The following KCTD3 variants were observed in gnomAD, a reference collection of about 807,000 sequenced individuals.
KCTD3 encodes potassium channel tetramerization domain containing 3, also known as BTB/POZ domain-containing protein KCTD3.
KCTD3 carries 41 observed loss-of-function variants against 85.8 expected under a neutral mutation model. The ratio of observed to expected loss-of-function variants is 0.48; its 90% CI spans 0.37 to 0.62. The LOEUF is 0.62. Among genes scored for constraint, KCTD3 ranks in the 20% least tolerant of loss-of-function variants. KCTD3 has a pLI of 0.00. For missense variants in KCTD3, 724 were observed against 989.9 expected, an observed-to-expected ratio of 0.73 and a Z score of 3.60; for synonymous variants, 338 against 345.4, an observed-to-expected ratio of 0.98 and a Z score of 0.24.
intron 9 of KCTD3, among the ~76,000 whole-genome samples, chr1:215,591,296 T>TTCCC (rs1660200541): frequency 1.1e-5 from 1 of 89,136 alleles, no homozygotes; most frequent in African/African-American, 5.8e-5. Flanking sequence ...CTTTCCTTCC[T>TTCCC]TCCTTCCTTC....
chr1:215,573,455 A>G (rs1210197697), intron 1 of KCTD3, among the ~76,000 whole-genome samples: 1 of 152,150 alleles, frequency 6.6e-6, no homozygotes, highest in Non-Finnish European at 1.5e-5. Context: ...CCTGAAGGTA[A>G]TTTTGAATGT....
chr1:215,572,605 A>G (rs1659408779), intron 1 of KCTD3, among the ~76,000 whole-genome samples: 1 of 152,208 alleles, frequency 6.6e-6, no homozygotes, highest in Non-Finnish European at 1.5e-5. Flanking sequence ...TGCAGTGAGC[A>G]TAATAAAAAA....
Position 215,567,578 on chromosome 1 carries a change from G to C in KCTD3, c.-108G>C. On this transcript the variant is annotated 5_prime_UTR_variant, in exon 1 of 18. Coordinates refer to ENST00000259154, the MANE Select transcript of KCTD3 (RefSeq NM_016121.5). Reference sequence around the variant, plus strand: ...GTGCACCCCCCGCCCTCCGGCCGCCGCCGCCCCGCTGGCCCTGCAGCCGTC... The same window carrying C: ...GTGCACCCCCCGCCCTCCGGCCGCCCCCGCCCCGCTGGCCCTGCAGCCGTC... The C allele has an allele frequency of 3.0e-5, 15 of 497,616 alleles. No individual in the cohort carries two copies. Among genetic ancestry groups the C allele is most frequent in the East Asian group, 5.5e-5 (1 of 18,248 alleles). The allele number at this position is 497,616 out of a possible 1,614,324, so 30.8% of individuals were successfully genotyped here. A position where few individuals can be genotyped will look rare whatever the true frequency, so the allele number is the denominator to read the frequency against.
Position 215,579,001 on chromosome 1 carries a change from T to C in KCTD3, c.399T>C (p.Gly133=). The C allele has an allele frequency of 6.5e-7, 1 of 1,546,842 alleles. No individual in the cohort carries two copies. The highest frequency in any genetic ancestry group is 8.7e-7 in the Non-Finnish European group (1 of 1,149,950). Residue 133 remains glycine (G), a splice_region_variant and synonymous_variant, in exon 7 of 18, where the codon GGT becomes GGC. Coordinates refer to ENST00000259154, the MANE Select transcript of KCTD3 (RefSeq NM_016121.5). Reference sequence around the variant, plus strand: ...TTTGTTTTCTTCTTCTCTTTATAGGTATTCCTAGTCGTAAAATAAACAACA... The same window carrying C: ...TTTGTTTTCTTCTTCTCTTTATAGGCATTCCTAGTCGTAAAATAAACAACA... ...VLFHGYLPPP[G]IPSRKINNTV...
intron 4 of KCTD3, 51 bp downstream of exon 4, chr1:215,576,025 T>C: frequency 1.1e-6 from 1 of 932,108 alleles, no homozygotes; most frequent in Non-Finnish European, 1.7e-6. Context: ...AATATGTGTT[T>C]TTAATATGTT....
Position 215,620,930 on chromosome 1 carries a change from T to C in KCTD3, c.*312T>C, listed in dbSNP as rs942750919. On this transcript the variant is annotated 3_prime_UTR_variant, in exon 18 of 18. Coordinates refer to ENST00000259154, the MANE Select transcript of KCTD3 (RefSeq NM_016121.5). ...CTTAATAGGATGGTGCCCATATAGG[T>C]GAGCATCCCTTTAGATCATGGGAAC... is the stretch of plus-strand genomic sequence containing the variant. The C allele has an allele frequency of 1.5e-5, 5 of 324,986 alleles. No individual in the cohort carries two copies. Among genetic ancestry groups the C allele is most frequent in the Non-Finnish European group, 2.8e-5 (5 of 179,766 alleles). 20.1% of individuals were successfully genotyped at this position (324,986 alleles called of 1,614,324 possible).
chr1:215,609,961 AGATGTATT>A (rs1263803587), intron 14 of KCTD3, among the ~76,000 whole-genome samples: 1 of 151,934 alleles, frequency 6.6e-6, no homozygotes, highest in Non-Finnish European at 1.5e-5. Flanking sequence ...CCCCAGGAGT[AGATGTATT>A]GTTCAGGGAG....
Position 215,574,027 on chromosome 1 carries a change from A to G in KCTD3, c.138-46A>G, listed in dbSNP as rs1288674911. 3 of 1,388,722 alleles carry G rather than the reference A, an allele frequency of 2.2e-6. No homozygotes were observed. The African/African-American group carries it at 4.2e-5, about 20-fold the overall frequency. 86.0% of individuals were successfully genotyped at this position (1,388,722 alleles called of 1,614,324 possible). Reference sequence around the variant, plus strand: ...TGGTAAAGAATTAGCACATTTGTTTATACTCAGATTTTAAAAACTAACTTT... The same window carrying G: ...TGGTAAAGAATTAGCACATTTGTTTGTACTCAGATTTTAAAAACTAACTTT... On this transcript the variant is annotated intron_variant, in intron 2 of 17. Transcript: ENST00000259154.
chr1:215,581,533 A>G (rs1301423529), intron 8 of KCTD3, among the ~76,000 whole-genome samples: 1 of 152,230 alleles, frequency 6.6e-6, no homozygotes, highest in Non-Finnish European at 1.5e-5. Context: ...CAAGTGTAAC[A>G]GCATAACTTC....
At chr1:215,609,954 CAGG>C (rs1449347505) in intron 14 of KCTD3, among the ~76,000 whole-genome samples, 1 of 151,754 alleles carries the variant, frequency 6.6e-6, no homozygotes, top group Non-Finnish European at 1.5e-5. Context: ...CTGAAAGCCC[CAGG>C]AGTAGATGTA....
chr1:215,572,400 T>C (rs1047759550), intron 1 of KCTD3, among the ~76,000 whole-genome samples: 1 of 152,214 alleles, frequency 6.6e-6, no homozygotes, highest in Non-Finnish European at 1.5e-5. Flanking sequence ...TATCAAGATA[T>C]GTAAAATATT....
intron 3 of KCTD3, among the ~76,000 whole-genome samples, chr1:215,574,916 A>T (rs1007377718): frequency 6.6e-6 from 1 of 152,190 alleles, no homozygotes; most frequent in Non-Finnish European, 1.5e-5. Flanking sequence ...GATCTTTTGT[A>T]AATGATTCAA....
In KCTD3 at chr1:215,567,727, C is replaced by T. The variant is rs952732960; in HGVS notation, c.42C>T (p.Ala14=). ...GCGGCAGCTTCCCCGCGGCGGCGGC[C>T]GGCAGCGGCGAGATCGTCCAACTGA... ...GHCGSFPAAA[A]GSGEIVQLNV... Residue 14 remains alanine, a synonymous_variant, in exon 1 of 18, where the codon GCC becomes GCT. Coordinates refer to ENST00000259154, the MANE Select transcript of KCTD3 (RefSeq NM_016121.5). 6.4e-6 allele frequency: 8 copies of T among 1,243,546 alleles called. No individual in the cohort carries two copies. Among genetic ancestry groups the T allele is most frequent in the Non-Finnish European group, 7.1e-6 (7 of 988,200 alleles). 77.0% of individuals were successfully genotyped at this position (1,243,546 alleles called of 1,614,324 possible).
chr1:215,601,163 C>T (rs1478587320), intron 10 of KCTD3, among the ~76,000 whole-genome samples: 5 of 142,606 alleles, frequency 3.5e-5, no homozygotes, highest in African/African-American at 1.5e-4. Flanking sequence ...TTTCGAATTC[C>T]TGACCTCTGG....
chr1:215,598,426 T>G (rs1023444474), intron 10 of KCTD3, among the ~76,000 whole-genome samples: 1 of 152,156 alleles, frequency 6.6e-6, no homozygotes, highest in African/African-American at 2.4e-5. Flanking sequence ...TCTAGGACTA[T>G]TGACATTTCT....
rs1460647486 is a variant in KCTD3 at position 215,620,775 on chromosome 1, A to C, written c.*157A>C. ...GAATTACTTGGAATAATGAGATACAATAATCATATCTCTTTTGACATTTTG... is the reference window on the plus strand; with the variant it reads ...GAATTACTTGGAATAATGAGATACACTAATCATATCTCTTTTGACATTTTG... On this transcript the variant is annotated 3_prime_UTR_variant, in exon 18 of 18. Transcript: ENST00000259154. 1 of 549,716 alleles carries C rather than the reference A, an allele frequency of 1.8e-6. No individual in the cohort carries two copies. Among genetic ancestry groups the C allele is most frequent in the Non-Finnish European group, 3.1e-6 (1 of 319,128 alleles). The allele number at this position is 549,716 out of a possible 1,614,324, so 34.1% of individuals were successfully genotyped here.
At position 215,598,561 on chromosome 1, in the gene KCTD3, C is replaced by T. The variant is rs755175770; in HGVS notation, c.933+3090C>T. 5.2e-4 allele frequency among the ~76,000 whole-genome samples: 79 copies of T among 151,516 alleles called. 1 individual carries two copies. The highest frequency in any genetic ancestry group is 5.1e-3 in the Admixed American group (77 of 15,190). Reference sequence around the variant, plus strand: ...ATAAACTTCACATGGAAACAAATAACGAAAAGTCATTAAACAAGAAAAAAT... The same window carrying T: ...ATAAACTTCACATGGAAACAAATAATGAAAAGTCATTAAACAAGAAAAAAT... On this transcript the variant is annotated intron_variant, in intron 10 of 17. Coordinates refer to ENST00000259154, the MANE Select transcript of KCTD3 (RefSeq NM_016121.5).
chr1:215,611,100 T>C (rs1655217971), intron 14 of KCTD3, among the ~76,000 whole-genome samples: 1 of 151,990 alleles, frequency 6.6e-6, no homozygotes, highest in African/African-American at 2.4e-5. Context: ...AAACAAAAAC[T>C]TTTTTTCTTT....
chr1:215,610,308 C>T (rs1655179293), intron 14 of KCTD3, among the ~76,000 whole-genome samples: 1 of 151,682 alleles, frequency 6.6e-6, no homozygotes, highest in African/African-American at 2.4e-5. Flanking sequence ...AGCCAAAAGG[C>T]CAAGAAGCGA....
Sources: gnomAD v4.1 joint callset for allele counts (sites outside exome capture counted in the v4.1 genomes callset) on GRCh38, gnomAD v4.1.1 for gene constraint, MANE v1.5 for transcripts, NCBI Gene and HGNC (gene_info 2026-07-23, HGNC 2026-07-21) for gene names.